CCDC171: variants seen among roughly 807,000 people sequenced by gnomAD.
The protein encoded by CCDC171 is coiled-coil domain-containing protein 171.
Under a neutral mutation model 168.2 loss-of-function variants are expected in CCDC171, and 177 were observed. The ratio of observed to expected loss-of-function variants is 1.05; its 90% confidence interval spans 0.93 to 1.19. The LOEUF (loss-of-function observed/expected upper bound fraction) is 1.19, where lower values mean the gene tolerates loss of function less well. Ranked by LOEUF, CCDC171 falls within the 50% of genes most tolerant of loss-of-function variation. The pLI, the probability that CCDC171 is intolerant of heterozygous loss-of-function variation, is 0.00. For missense variants in CCDC171, 1,991 were observed against 1,539.0 expected (o/e 1.29, Z -4.91); for synonymous variants, 687 against 540.8 (o/e 1.27, Z -3.75).
intron 6 of CCDC171, among the ~76,000 whole-genome samples, chr9:15,611,348 C>A: frequency 6.6e-6 from 1 of 152,262 alleles, no homozygotes; most frequent in South Asian, 2.1e-4. Context: ...AGAACCTTTC[C>A]GCAAATGTCC....
intron 6 of CCDC171, among the ~76,000 whole-genome samples, chr9:16,026,486 C>T (rs1013371670): frequency 6.6e-6 from 1 of 152,104 alleles, no homozygotes; most frequent in African/African-American, 2.4e-5. Context: ...TGTTGCCCTG[C>T]GTCTCCACCC....
chr9:15,836,352 A>G (rs1348316272), intron 21 of CCDC171, among the ~76,000 whole-genome samples: 1 of 151,880 alleles, frequency 6.6e-6, no homozygotes, highest in East Asian at 1.9e-4. Context: ...GTCTTGTTTT[A>G]TTTTATTTAT....
At chr9:15,637,454 T>A (rs144339062) in intron 7 of CCDC171, among the ~76,000 whole-genome samples, 2,430 of 151,974 alleles carry the variant, frequency 0.016, 96 homozygotes, top group South Asian at 0.12. Flanking sequence ...CTTTTTAAAA[T>A]TTTTTTGTTT....
chr9:16,028,408 G>A (rs1464989502), intron 6 of CCDC171, among the ~76,000 whole-genome samples: 1 of 152,172 alleles, frequency 6.6e-6, no homozygotes, highest in Non-Finnish European at 1.5e-5. Flanking sequence ...AGTAGATCTA[G>A]TACAAAAGAG....
At chr9:15,892,808 A>AT (rs1338418197) in intron 24 of CCDC171, among the ~76,000 whole-genome samples, 2 of 152,196 alleles carry the variant, frequency 1.3e-5, no homozygotes, top group Non-Finnish European at 2.9e-5. Context: ...ATGGAAAAAT[A>AT]TTCCATGCTC....
At chr9:15,650,253 G>GT (rs1200030917) in intron 7 of CCDC171, among the ~76,000 whole-genome samples, 1 of 152,148 alleles carries the variant, frequency 6.6e-6, no homozygotes, top group Non-Finnish European at 1.5e-5. Flanking sequence ...CTGTCGTGGG[G>GT]TGGAGGGATG....
intron 25 of CCDC171, among the ~76,000 whole-genome samples, chr9:15,956,148 G>A (rs1194565786): frequency 2.6e-5 from 4 of 152,094 alleles, no homozygotes; most frequent in African/African-American, 4.8e-5. Flanking sequence ...GATTTTCTGC[G>A]ATTTGAAGGC....
chr9:15,988,594 G>C (rs527654310), intron 3 of CCDC171, among the ~76,000 whole-genome samples: 3 of 152,136 alleles, frequency 2.0e-5, no homozygotes, highest in Non-Finnish European at 4.4e-5. Context: ...AGTGGGTGCA[G>C]CACACCCACC....
chr9:15,966,329 A>G (rs946460867), intron 25 of CCDC171, among the ~76,000 whole-genome samples: 29 of 152,202 alleles, frequency 1.9e-4, no homozygotes, highest in African/African-American at 6.0e-4. Flanking sequence ...GATGTGAACT[A>G]TGGAATGTCC....
chr9:15,898,589 G>A (rs1171476833), intron 24 of CCDC171, among the ~76,000 whole-genome samples: 1 of 152,062 alleles, frequency 6.6e-6, no homozygotes, highest in African/African-American at 2.4e-5. Context: ...AAATTTTAAT[G>A]TTTTATTCTC....
At chr9:15,975,420 A>G (rs993028732), downstream of CCDC171, among the ~76,000 whole-genome samples, 2 of 152,236 alleles carry the variant, frequency 1.3e-5, no homozygotes, top group Admixed American at 1.3e-4. Flanking sequence ...AATAATTTTG[A>G]TAAGTATGTT....
chr9:15,882,727 C>A (rs966924960), intron 24 of CCDC171, among the ~76,000 whole-genome samples: 6 of 151,876 alleles, frequency 4.0e-5, no homozygotes, highest in Admixed American at 3.9e-4. Flanking sequence ...GGGAAAACTG[C>A]TTGATAATTA....
intron 18 of CCDC171, among the ~76,000 whole-genome samples, chr9:15,756,899 T>C (rs529060429): frequency 6.6e-6 from 1 of 152,336 alleles, no homozygotes; most frequent in South Asian, 2.1e-4. Flanking sequence ...TCTGCCACCA[T>C]GTGAGATGTG....
chr9:15,828,245 A>G (rs775783484), intron 21 of CCDC171, among the ~76,000 whole-genome samples: 6 of 151,950 alleles, frequency 3.9e-5, no homozygotes, highest in Non-Finnish European at 5.9e-5. Flanking sequence ...TAAAAAGTAG[A>G]TGAAACATCT....
chr9:15,983,051 A>G (rs1324184946), intron 3 of CCDC171, among the ~76,000 whole-genome samples: 2 of 152,166 alleles, frequency 1.3e-5, no homozygotes, highest in African/African-American at 2.4e-5. Context: ...CTTGTGCAGC[A>G]CTTAACTATG....
chr9:15,555,040 C>G (rs10962066), intron 1 of CCDC171, among the ~76,000 whole-genome samples: 63,430 of 151,994 alleles, frequency 0.42, 14,783 homozygotes, highest in East Asian at 0.74. Flanking sequence ...GGATGACCAA[C>G]TGAAGGACTC....
the CCDC171 span, among the ~76,000 whole-genome samples, chr9:16,075,868 C>CACAGT: frequency 7.2e-5 from 11 of 152,130 alleles, no homozygotes; most frequent in African/African-American, 2.4e-4. Context: ...CACAGCACAG[C>CACAGT]ACAGCACAGC....
chr9:15,564,279 C>G, intron 2 of CCDC171, 150 bp downstream of exon 2: 1 of 573,888 alleles, frequency 1.7e-6, no homozygotes, highest in Non-Finnish European at 3.1e-6. Context: ...ATGAATGAAG[C>G]CTCATAAGAA....
At chr9:15,630,094 C>A (rs1224559665) in intron 7 of CCDC171, among the ~76,000 whole-genome samples, 1 of 152,142 alleles carries the variant, frequency 6.6e-6, no homozygotes. Flanking sequence ...TAAAGACCAT[C>A]GAGGCTAGGA....
Sources: allele counts gnomAD v4.1 joint callset (sites outside exome capture counted in the v4.1 genomes callset), GRCh38; gene constraint gnomAD v4.1.1; transcripts MANE v1.5; gene names NCBI Gene and HGNC (gene_info 2026-07-23, HGNC 2026-07-21).